Variants in CTNNA3 observed in about 807,000 individuals in gnomAD.
CTNNA3 encodes the protein catenin alpha 3.
Under a neutral mutation model 95.7 loss-of-function variants are expected in CTNNA3, and 76 were observed. That is an observed-to-expected ratio of 0.79 (90% confidence interval 0.66 to 0.96). The LOEUF (loss-of-function observed/expected upper bound fraction) is 0.96. CTNNA3 is among the 40% of genes least tolerant of loss of function. The probability of loss-of-function intolerance (pLI) is 0.00; values close to 1 mark genes in which losing one functional copy is unlikely to be tolerated. For missense variants in CTNNA3, 1,191 were observed against 1,089.8 expected (o/e 1.09, Z -1.31); for synonymous variants, 431 against 374.4 (o/e 1.15, Z -1.74).
chr10:67,262,838 G>C (rs192380983), intron 5 of CTNNA3, among the ~76,000 whole-genome samples: 157 of 152,248 alleles, frequency 1.0e-3, no homozygotes, highest in African/African-American at 3.6e-3. Context: ...ACACAAAGGG[G>C]AAGTGAAAAA....
At chr10:66,392,449 A>AG (rs899465698) in intron 11 of CTNNA3, among the ~76,000 whole-genome samples, 1 of 152,032 alleles carries the variant, frequency 6.6e-6, no homozygotes, top group African/African-American at 2.4e-5. Flanking sequence ...AACAAAAAAA[A>AG]GAATAAAAAG....
chr10:66,159,721 CTG>C (rs59436149), intron 13 of CTNNA3, among the ~76,000 whole-genome samples: 4,766 of 146,452 alleles, frequency 0.033, 267 homozygotes, highest in African/African-American at 0.11. Flanking sequence ...CCTTCTTTCT[CTG>C]TCTTGTGAAT....
At chr10:66,761,442 C>T (rs1360885529) in intron 9 of CTNNA3, among the ~76,000 whole-genome samples, 1 of 151,926 alleles carries the variant, frequency 6.6e-6, no homozygotes, top group Non-Finnish European at 1.5e-5. Context: ...AAAATTTCGG[C>T]CTAGATCATT....
At chr10:66,312,789 C>A (rs2092042067) in intron 12 of CTNNA3, among the ~76,000 whole-genome samples, 1 of 152,126 alleles carries the variant, frequency 6.6e-6, no homozygotes, top group Non-Finnish European at 1.5e-5. Flanking sequence ...TCGTGATACA[C>A]CCACCTCGGC....
chr10:67,330,869 T>G (rs894330654), intron 5 of CTNNA3, among the ~76,000 whole-genome samples: 1 of 152,142 alleles, frequency 6.6e-6, no homozygotes, highest in African/African-American at 2.4e-5. Context: ...TTACGGCAAT[T>G]TGTTAAAGGC....
intron 10 of CTNNA3, among the ~76,000 whole-genome samples, chr10:66,617,849 C>A (rs903951284): frequency 1.3e-5 from 2 of 151,558 alleles, no homozygotes; most frequent in African/African-American, 4.9e-5. Context: ...AGCTGATAAG[C>A]AACTTCAGCA....
At chr10:65,956,154 A>G (rs1349393033) in intron 17 of CTNNA3, among the ~76,000 whole-genome samples, 1 of 152,072 alleles carries the variant, frequency 6.6e-6, no homozygotes, top group Admixed American at 6.6e-5. Context: ...CATTTCTTCT[A>G]GATTGTCTAG....
intron 5 of CTNNA3, among the ~76,000 whole-genome samples, chr10:67,399,302 A>G (rs939226534): frequency 6.6e-6 from 1 of 152,076 alleles, no homozygotes; most frequent in African/African-American, 2.4e-5. Context: ...GACAAGTACC[A>G]CCTTTGCTCA....
intron 10 of CTNNA3, among the ~76,000 whole-genome samples, chr10:66,592,054 C>T (rs1234864562): frequency 6.7e-6 from 1 of 149,338 alleles, no homozygotes; most frequent in Non-Finnish European, 1.5e-5. Flanking sequence ...ATAGTTATTG[C>T]TGTTAAATGT....
chr10:66,673,760 T>C (rs1299877243), intron 9 of CTNNA3, among the ~76,000 whole-genome samples: 1 of 152,010 alleles, frequency 6.6e-6, no homozygotes, highest in Non-Finnish European at 1.5e-5. Context: ...TCAAAAGACA[T>C]CTGAATAAAA....
At chr10:66,210,532 T>C (rs958729924) in intron 13 of CTNNA3, among the ~76,000 whole-genome samples, 5 of 152,118 alleles carry the variant, frequency 3.3e-5, no homozygotes, top group Non-Finnish European at 4.4e-5. Flanking sequence ...ATTTCATAAT[T>C]CCAGGGTAAA....
At chr10:67,748,017 T>G (rs1230806644) in intron 1 of CTNNA3, among the ~76,000 whole-genome samples, 1 of 152,152 alleles carries the variant, frequency 6.6e-6, no homozygotes, top group Non-Finnish European at 1.5e-5. Context: ...GCTTGAAGAC[T>G]TTCTTGCTGA....
intron 7 of CTNNA3, among the ~76,000 whole-genome samples, chr10:66,845,716 A>AAACAAAAAAAC (rs1843234810): frequency 7.9e-6 from 1 of 127,006 alleles, no homozygotes; most frequent in South Asian, 2.7e-4. Flanking sequence ...AAAAAAAAAA[A>AAACAAAAAAAC]AAAAAAAAAA....
intron 9 of CTNNA3, among the ~76,000 whole-genome samples, chr10:66,737,737 G>A (rs546812126): frequency 2.6e-5 from 4 of 151,440 alleles, no homozygotes; most frequent in Admixed American, 1.3e-4. Context: ...ATGGCTCACC[G>A]CAACCTCTGA....
intron 5 of CTNNA3, among the ~76,000 whole-genome samples, chr10:67,287,195 G>A (rs1170131585): frequency 6.6e-5 from 10 of 151,914 alleles, no homozygotes; most frequent in African/African-American, 1.2e-4. Flanking sequence ...AAAATTAGCC[G>A]GGCATGGTGG....
intron 5 of CTNNA3, among the ~76,000 whole-genome samples, chr10:67,392,394 A>G (rs1844534591): frequency 6.6e-6 from 1 of 152,232 alleles, no homozygotes; most frequent in Non-Finnish European, 1.5e-5. Flanking sequence ...ATCATTAAAA[A>G]GTCAGGAAAC....
intron 15 of CTNNA3, among the ~76,000 whole-genome samples, chr10:66,055,866 G>T (rs2080073165): frequency 7.2e-6 from 1 of 139,668 alleles, no homozygotes; most frequent in African/African-American, 2.7e-5. Context: ...AGGTTGTAGT[G>T]AGCCAAGGTC....
At chr10:67,718,195 T>C (rs1186251069) in intron 1 of CTNNA3, among the ~76,000 whole-genome samples, 1 of 152,240 alleles carries the variant, frequency 6.6e-6, no homozygotes, top group Non-Finnish European at 1.5e-5. Context: ...AAGTTGCTTA[T>C]CAGCTTAAGG....
At position 66,639,493 on chromosome 10, in the gene CTNNA3, A is replaced by G. The variant is rs764110655; in HGVS notation, c.1282-17709T>C. Among the ~76,000 whole-genome samples the G allele has an allele frequency of 3.3e-5, 5 of 152,256 alleles. No homozygotes were observed. The Middle Eastern group carries it at 0.017, about 518-fold the overall frequency. ...GACAGAATGAACTTTATTTACTGTT[A>G]TCTTATATTTTACTCATCTTCCATG... On this transcript the variant is annotated intron_variant, in intron 9 of 17. Coordinates refer to ENST00000433211, the MANE Select transcript of CTNNA3 (RefSeq NM_013266.4).
Sources: allele counts gnomAD v4.1 joint callset (sites outside exome capture counted in the v4.1 genomes callset), GRCh38; gene constraint gnomAD v4.1.1; transcripts MANE v1.5; gene names NCBI Gene and HGNC (gene_info 2026-07-23, HGNC 2026-07-21).